Variants in YWHAE observed in about 807,000 individuals in gnomAD.
The protein encoded by YWHAE is tyrosine 3-monooxygenase/tryptophan 5-monooxygenase activation protein epsilon.
Under a neutral mutation model 30.1 loss-of-function variants are expected in YWHAE, and 4 were observed. That is an observed-to-expected ratio of 0.13 (90% confidence interval 0.07 to 0.30). The LOEUF (loss-of-function observed/expected upper bound fraction) is 0.30. Among genes scored for constraint, YWHAE ranks in the 10% least tolerant of loss-of-function variants. YWHAE has a pLI of 1.00. For synonymous variants in YWHAE, 118 were observed against 111.8 expected (o/e 1.06, Z -0.35); for missense variants, 121 against 315.9 (o/e 0.38, Z 4.68).
chr17:1,394,721 C>T (rs575013416), intron 1 of YWHAE, among the ~76,000 whole-genome samples: 165 of 152,172 alleles, frequency 1.1e-3, no homozygotes, highest in Non-Finnish European at 2.0e-3. Context: ...AATGCTAGCC[C>T]TTTGGGAGGC....
chr17:1,346,720 CT>C (rs758237558), intron 5 of YWHAE, among the ~76,000 whole-genome samples: 5 of 152,226 alleles, frequency 3.3e-5, no homozygotes, highest in Non-Finnish European at 5.9e-5. Context: ...GGCACGGTGG[CT>C]CACGCCTGTA....
In YWHAE at chr17:1,362,010, T is replaced by TAA. The variant is rs543499657; in HGVS notation, c.265-4_265-3dup. ...GATTAACTTTAGCTCAGTCTCAACC[T>TAA]AAAAAAAAAAAAATTTTTTTTAAAT... On this transcript the variant is annotated splice_polypyrimidine_tract_variant and splice_region_variant and intron_variant, in intron 2 of 5. Transcript: ENST00000264335. 3.5e-4 allele frequency: 409 copies of TAA among 1,182,572 alleles called. No homozygotes were observed. Among genetic ancestry groups the TAA allele is most frequent in the African/African-American group, 2.9e-3 (189 of 64,224 alleles). 73.3% of individuals were successfully genotyped at this position (1,182,572 alleles called of 1,614,324 possible).
At chr17:1,399,929 C>A (rs1051903118) in intron 1 of YWHAE, 118 bp downstream of exon 1, 12 of 1,305,010 alleles carry the variant, frequency 9.2e-6, no homozygotes, top group Middle Eastern at 1.8e-4. Context: ...GCTTCCCGAA[C>A]CCAAGCCCCC....
chr17:1,362,882 T>C (rs2072885362), intron 2 of YWHAE, among the ~76,000 whole-genome samples: 1 of 152,084 alleles, frequency 6.6e-6, no homozygotes, highest in African/African-American at 2.4e-5. Context: ...ACTTCTAAGT[T>C]CTCCTAGCTC....
rs2150832680 is a variant in YWHAE, at chr17:1,344,586, T to A, written c.*861A>T. On this transcript the variant is annotated 3_prime_UTR_variant, in exon 6 of 6. Transcript: ENST00000264335. ...TGTTTTATTTAAGTTTAATGTTAAT[T>A]CCATGCTGTGTTTCAGTAAGAACAA... 4.5e-6 allele frequency: 1 copy of A among 224,510 alleles called. No homozygotes were observed. Among genetic ancestry groups the A allele is most frequent in the East Asian group, 6.4e-5 (1 of 15,572 alleles). 13.9% of individuals were successfully genotyped at this position (224,510 alleles called of 1,614,324 possible).
intron 4 of YWHAE, among the ~76,000 whole-genome samples, chr17:1,359,444 C>T (rs568571581): frequency 2.6e-5 from 4 of 152,214 alleles, no homozygotes; most frequent in African/African-American, 9.6e-5. Context: ...AGGTGGAAAC[C>T]CACTGACCAC....
chr17:1,367,828 T>C (rs867351069), intron 1 of YWHAE, among the ~76,000 whole-genome samples: 1 of 152,090 alleles, frequency 6.6e-6, no homozygotes, highest in African/African-American at 2.4e-5. Flanking sequence ...AAGCAAATGG[T>C]TATCAAGGTA....
intron 1 of YWHAE, chr17:1,399,523 A>C: frequency 1.2e-5 from 2 of 168,276 alleles, no homozygotes; most frequent in South Asian, 9.3e-5. Flanking sequence ...GTGAGACTCC[A>C]CGGCCGCCGC....
intron 1 of YWHAE, among the ~76,000 whole-genome samples, chr17:1,375,770 C>G (rs531567722): frequency 2.0e-5 from 3 of 152,350 alleles, no homozygotes; most frequent in Admixed American, 2.0e-4. Flanking sequence ...CACCCATCAT[C>G]TGCTGCTGCC....
intron 5 of YWHAE, among the ~76,000 whole-genome samples, chr17:1,351,771 G>GT (rs2072638074): frequency 6.6e-6 from 1 of 151,990 alleles, no homozygotes; most frequent in African/African-American, 2.4e-5. Context: ...CCTGGCTGTT[G>GT]TTTTTGTTTT....
intron 4 of YWHAE, among the ~76,000 whole-genome samples, chr17:1,360,136 A>G (rs1017503083): frequency 2.6e-5 from 4 of 151,980 alleles, no homozygotes; most frequent in African/African-American, 9.7e-5. Flanking sequence ...CTAATTTTGT[A>G]TTTTTAATAG....
chr17:1,362,209 A>G (rs2072875036), intron 2 of YWHAE, among the ~76,000 whole-genome samples: 1 of 152,094 alleles, frequency 6.6e-6, no homozygotes, highest in African/African-American at 2.4e-5. Flanking sequence ...TCCCTTCTGC[A>G]TGCTGCCTAT....
Position 1,399,946 on chromosome 17 carries a change from G to T in YWHAE, c.64+101C>A, listed in dbSNP as rs544030011. On this transcript the variant is annotated intron_variant, in intron 1 of 5. Transcript: ENST00000264335. ...TTCCCGAACCCAAGCCCCCGGGCCA[G>T]GCTCGCAGACGATGCCGCCATTTTG... 8 of 1,458,128 alleles carry T rather than the reference G, an allele frequency of 5.5e-6. No individual in the cohort carries two copies. The Admixed American group carries it at 1.0e-4, about 18-fold the overall frequency. The allele number at this position is 1,458,128 out of a possible 1,614,324, so 90.3% of individuals were successfully genotyped here.
intron 1 of YWHAE, among the ~76,000 whole-genome samples, chr17:1,375,405 C>T (rs981330248): frequency 6.6e-6 from 1 of 152,104 alleles, no homozygotes. Context: ...ATCACCTTTG[C>T]GGCAAGTATT....
At position 1,360,217 on chromosome 17, in the gene YWHAE, C is replaced by T. The variant is rs182651907; in HGVS notation, c.578+875G>A. Reference sequence around the variant, plus strand: ...TCTCAGGTGACCCACCCACCTCAGCCTCCCAAAGTGCTGGGATTACAGGCG... The same window carrying T: ...TCTCAGGTGACCCACCCACCTCAGCTTCCCAAAGTGCTGGGATTACAGGCG... On this transcript the variant is annotated intron_variant, in intron 4 of 5. Transcript: ENST00000264335. Among the ~76,000 whole-genome samples the T allele has an allele frequency of 1.6e-4, 24 of 152,236 alleles. No individual in the cohort carries two copies. The East Asian group carries it at 3.9e-3, about 25-fold the overall frequency.
At position 1,361,821 on chromosome 17, in the gene YWHAE, GA is replaced by G. The variant is rs1793206699; in HGVS notation, c.371+80del. ...GAACAATTATTCTTAAATAAAAGTTGAAAACCTACATAGAACAAAGTTATGG... is the reference window on the plus strand; with the variant it reads ...GAACAATTATTCTTAAATAAAAGTTGAAACCTACATAGAACAAAGTTATGG... On this transcript the variant is annotated intron_variant, in intron 3 of 5. Coordinates refer to ENST00000264335, the MANE Select transcript of YWHAE (RefSeq NM_006761.5). 7 of 848,194 alleles carry G rather than the reference GA, an allele frequency of 8.3e-6. No homozygotes were observed. In the South Asian group the frequency reaches 1.6e-4, roughly 20 times the overall value. 52.5% of individuals were successfully genotyped at this position (848,194 alleles called of 1,614,324 possible). A position where few individuals can be genotyped will look rare whatever the true frequency, so the allele number is the denominator to read the frequency against.
At chr17:1,345,622 A>G (rs2072504093) in intron 5 of YWHAE, 123 bp from the exon 6 acceptor site, 3 of 991,448 alleles carry the variant, frequency 3.0e-6, no homozygotes, top group Admixed American at 4.1e-5. Context: ...TATTAAACGC[A>G]GGCAAAGGAC....
At chr17:1,372,377 A>G (rs948322485) in intron 1 of YWHAE, among the ~76,000 whole-genome samples, 1 of 152,210 alleles carries the variant, frequency 6.6e-6, no homozygotes, top group African/African-American at 2.4e-5. Context: ...TTGCTTTCTC[A>G]TCATTGCTGT....
intron 1 of YWHAE, among the ~76,000 whole-genome samples, chr17:1,380,771 C>T (rs1363051137): frequency 1.3e-5 from 2 of 152,150 alleles, no homozygotes; most frequent in Non-Finnish European, 2.9e-5. Context: ...TCCATTCTTA[C>T]ATCTCATATA....
Sources: gnomAD v4.1 joint callset for allele counts (sites outside exome capture counted in the v4.1 genomes callset) on GRCh38, gnomAD v4.1.1 for gene constraint, MANE v1.5 for transcripts, NCBI Gene and HGNC (gene_info 2026-07-23, HGNC 2026-07-21) for gene names.